PCDHGB1: variants seen among roughly 807,000 people sequenced by gnomAD.
PCDHGB1 encodes protocadherin gamma subfamily B, 1, also known as protocadherin gamma-B1.
In PCDHGB1, 34 loss-of-function variants were observed where a neutral mutation model predicts 56.6. The observed-to-expected ratio is 0.60, with a 90% CI of 0.46 to 0.80. PCDHGB1 has a LOEUF of 0.80. Among genes scored for constraint, PCDHGB1 ranks in the 30% least tolerant of loss-of-function variants. The pLI, the probability that PCDHGB1 is intolerant of heterozygous loss-of-function variation, is 0.00. For synonymous variants in PCDHGB1, 561 were observed against 505.9 expected (o/e 1.11, Z -1.46); for missense variants, 1,278 against 1,204.6 (o/e 1.06, Z -0.90).
At chr5:141,422,849 C>G in intron 1 of PCDHGB1, 1 of 1,614,238 alleles carries the variant, frequency 6.2e-7, no homozygotes, top group East Asian at 2.2e-5. Flanking sequence ...AGCGGGGACC[C>G]GCCCCTCAGC....
intron 1 of PCDHGB1, chr5:141,385,170 C>A (rs1561606866): frequency 4.3e-6 from 7 of 1,614,212 alleles, no homozygotes; most frequent in Non-Finnish European, 5.9e-6. Flanking sequence ...CCCATGAGGT[C>A]TCCCTCACCG....
intron 1 of PCDHGB1, chr5:141,404,904 AG>A: frequency 3.1e-6 from 5 of 1,613,864 alleles, no homozygotes; most frequent in Non-Finnish European, 4.2e-6. Flanking sequence ...GACCATGGCC[AG>A]CCCCCTCTCT....
chr5:141,485,786 C>A lies in PCDHGB1; in HGVS notation c.2410-9021C>A. On this transcript the variant is annotated intron_variant, in intron 1 of 3. Transcript: ENST00000523390. This position sits in a 1 kb window ranked among gnomAD's most constrained non-coding sequence, Gnocchi z 5.7. ...GGAGAAGCCTTTGGATCGAGAGAAG[C>A]AATCGGACTACCGCCTGGTGCTGAC... 1 of 1,614,208 alleles carries A rather than the reference C, an allele frequency of 6.2e-7. No individual in the cohort carries two copies. The highest frequency in any genetic ancestry group is 1.3e-5 in the African/African-American group (1 of 75,062).
At chr5:141,463,438 CTTTTTTTTTTTTTT>C (rs71576115) in intron 1 of PCDHGB1, among the ~76,000 whole-genome samples, 7 of 103,256 alleles carry the variant, frequency 6.8e-5, no homozygotes, top group Non-Finnish European at 9.4e-5. Flanking sequence ...TTTCCTTCTC[CTTTTTTTTTTTTTT>C]TTTTTTTTTT....
intron 1 of PCDHGB1, chr5:141,371,507 A>G: frequency 6.2e-7 from 1 of 1,613,910 alleles, no homozygotes; most frequent in Non-Finnish European, 8.5e-7. Context: ...TGATCAAAAC[A>G]CATGATCTAG....
chr5:141,415,194 C>T (rs1252476580), intron 1 of PCDHGB1: 2 of 1,614,064 alleles, frequency 1.2e-6, no homozygotes, highest in Non-Finnish European at 1.7e-6. Context: ...ACAGCATCCC[C>T]CAAGTCCTGG....
At chr5:141,507,380 C>G (rs984406173) in intron 3 of PCDHGB1, 1 of 151,954 alleles carries the variant, frequency 6.6e-6, no homozygotes, top group African/African-American at 2.4e-5. Flanking sequence ...CTTTTATTTA[C>G]TAAATCTGGC....
rs1193201622 is a variant in PCDHGB1, at chr5:141,350,990, T to C, written c.730T>C (p.Tyr244His). ...TGCTCCCGTGTTTAGCCAGGAGGTA[T>C]ACAGGGTTAGCCTCCAAGAAAACGT... Reference protein sequence around the residue: ...DNAPVFSQEVYRVSLQENVPW... With the variant: ...DNAPVFSQEVHRVSLQENVPW... Residue 244 changes from tyrosine to histidine, a missense_variant, in exon 1 of 4, where the codon TAC (tyrosine) becomes CAC (histidine). Physicochemically the swap from Tyr to His is moderately conservative, Grantham distance 83 (BLOSUM62 2). Coordinates refer to ENST00000523390, the MANE Select transcript of PCDHGB1 (RefSeq NM_018922.3). 2 of 1,614,052 alleles carry C rather than the reference T, an allele frequency of 1.2e-6. No individual in the cohort carries two copies. The highest frequency in any genetic ancestry group is 1.7e-5 in the Admixed American group (1 of 60,022).
chr5:141,408,125 C>T, intron 1 of PCDHGB1: 1 of 1,478,650 alleles, frequency 6.8e-7, no homozygotes, highest in South Asian at 1.4e-5. Context: ...CTGTCCTGGG[C>T]CGAATGCTCT....
At chr5:141,374,154 G>T (rs376984494) in intron 1 of PCDHGB1, 4 of 1,611,790 alleles carry the variant, frequency 2.5e-6, no homozygotes, top group Non-Finnish European at 3.4e-6. Flanking sequence ...GGGACGCTGT[G>T]GGGGGCCGCG....
intron 1 of PCDHGB1, 45 bp downstream of exon 1, chr5:141,352,714 G>A (rs776520585): frequency 4.5e-6 from 7 of 1,540,548 alleles, no homozygotes; most frequent in Non-Finnish European, 6.1e-6. Flanking sequence ...TGGCGGCCGG[G>A]CGCGGTGGCT....
chr5:141,476,801 C>A lies in PCDHGB1; in HGVS notation c.2410-18006C>A, dbSNP rs752954707. The A allele has an allele frequency of 5.8e-5, 94 of 1,613,468 alleles. No homozygotes were observed. The highest frequency in any genetic ancestry group is 7.9e-5 in the Non-Finnish European group (93 of 1,180,028). The stretch of plus-strand genomic sequence containing the variant: ...GACCCCAGCTCTCTCCGCCAGCCTG[C>A]CTATTCACATCAAGGTGCTGGACGC... On this transcript the variant is annotated intron_variant, in intron 1 of 3. Transcript: ENST00000523390. This position sits in a 1 kb window ranked among gnomAD's most constrained non-coding sequence, Gnocchi z 7.6.
Position 141,486,616 on chromosome 5 carries a change from C to A in PCDHGB1, c.2410-8191C>A. On this transcript the variant is annotated intron_variant, in intron 1 of 3. Transcript: ENST00000523390. The surrounding 1 kb of genome is among the most constrained non-coding windows in gnomAD (Gnocchi z 5.0). ...TGCTTTGCTCCCTTGCAGCCTCTGACCCAGACTCTGGCTTGAATGCGCTTA... is the reference window on the plus strand; with the variant it reads ...TGCTTTGCTCCCTTGCAGCCTCTGAACCAGACTCTGGCTTGAATGCGCTTA... The A allele has an allele frequency of 6.2e-7, 1 of 1,613,618 alleles. No individual in the cohort carries two copies. Among genetic ancestry groups the A allele is most frequent in the Non-Finnish European group, 8.5e-7 (1 of 1,180,022 alleles).
Position 141,366,326 on chromosome 5 carries a change from G to A in PCDHGB1, c.2409+13657G>A, listed in dbSNP as rs377206764. ...CTTCACGGTCACCGTTGCCGTGGCCGACAGGATCCCTGACATCCTGGCTGA... is the reference window on the plus strand; with the variant it reads ...CTTCACGGTCACCGTTGCCGTGGCCAACAGGATCCCTGACATCCTGGCTGA... On this transcript the variant is annotated intron_variant, in intron 1 of 3. Coordinates refer to ENST00000523390, the MANE Select transcript of PCDHGB1 (RefSeq NM_018922.3). 4 of 1,613,810 alleles carry A rather than the reference G, an allele frequency of 2.5e-6. No individual in the cohort carries two copies. The African/African-American group carries it at 4.0e-5, about 16-fold the overall frequency.
intron 1 of PCDHGB1, chr5:141,390,069 C>A: frequency 6.2e-7 from 1 of 1,614,076 alleles, no homozygotes; most frequent in Non-Finnish European, 8.5e-7. Context: ...CCAGCCTGGT[C>A]TCTGTGTTAA....
At chr5:141,400,533 C>T in intron 1 of PCDHGB1, 11 of 1,613,902 alleles carry the variant, frequency 6.8e-6, no homozygotes, top group Non-Finnish European at 9.3e-6. Context: ...TGGTGAGTTT[C>T]ATTTATGTCT....
intron 1 of PCDHGB1, chr5:141,409,995 CG>C: frequency 1.2e-6 from 2 of 1,613,308 alleles, no homozygotes; most frequent in Non-Finnish European, 1.7e-6. Context: ...GACGCCGACT[CG>C]GGACACAACG....
In PCDHGB1 at chr5:141,356,758, T is replaced by C. The variant is rs1760332568; in HGVS notation, c.2409+4089T>C. On this transcript the variant is annotated intron_variant, in intron 1 of 3. Coordinates refer to ENST00000523390, the MANE Select transcript of PCDHGB1 (RefSeq NM_018922.3). The stretch of plus-strand genomic sequence containing the variant: ...AGGGATCCTATATGCTCTTTGCTCC[T>C]TCGACTATGAGCAGTTTAGAGACCT... The C allele has an allele frequency of 6.8e-6, 11 of 1,613,966 alleles. No individual in the cohort carries two copies. The highest frequency in any genetic ancestry group is 9.3e-6 in the Non-Finnish European group (11 of 1,179,840).
chr5:141,414,123 C>T (rs1328389134), intron 1 of PCDHGB1: 1 of 1,592,532 alleles, frequency 6.3e-7, no homozygotes. Flanking sequence ...ATGAAGAAAC[C>T]GGTTTCTATG....
Sources: allele counts gnomAD v4.1 joint callset (sites outside exome capture counted in the v4.1 genomes callset), GRCh38; gene constraint gnomAD v4.1.1; non-coding constraint Gnocchi (gnomAD v3.1); transcripts MANE v1.5; gene names NCBI Gene and HGNC (gene_info 2026-07-23, HGNC 2026-07-21).